The following ZW10 variants were observed in gnomAD, a reference collection of about 807,000 sequenced individuals.
The protein encoded by ZW10 is centromere/kinetochore protein zw10 homolog.
A neutral mutation model predicts 87.8 loss-of-function variants in ZW10; 53 were observed. That is an observed-to-expected ratio of 0.60 (90% CI 0.48 to 0.76). ZW10 has a LOEUF of 0.76. Ranked by LOEUF, ZW10 falls within the 30% of genes least tolerant of loss-of-function variation. The pLI is 0.00. For synonymous variants in ZW10, 312 were observed against 329.2 expected (o/e 0.95, Z 0.57); for missense variants, 837 against 923.0 (o/e 0.91, Z 1.21).
chr11:113,733,763 T>C lies in ZW10; in HGVS notation c.2271A>G (p.Val757=). 2 of 1,614,072 alleles carry C rather than the reference T, an allele frequency of 1.2e-6. No individual in the cohort carries two copies. Among genetic ancestry groups the C allele is most frequent in the Non-Finnish European group, 1.7e-6 (2 of 1,179,966 alleles). Residue 757 remains valine, a synonymous_variant, in exon 16 of 16, where the codon GTA becomes GTG. Coordinates refer to ENST00000200135, the MANE Select transcript of ZW10 (RefSeq NM_004724.4). ...PLAAAFSSSE[V]KALIRALFQN... Reference sequence around the variant, plus strand: ...GAAACAAGGCACGAATTAAAGCTTTTACTTCACTGGAAGAGAACGCAGCTG... The same window carrying C: ...GAAACAAGGCACGAATTAAAGCTTTCACTTCACTGGAAGAGAACGCAGCTG...
chr11:113,747,667 C>T lies in ZW10; in HGVS notation c.1136G>A (p.Arg379Lys). 3 of 1,612,786 alleles carry T rather than the reference C, an allele frequency of 1.9e-6. No homozygotes were observed. The highest frequency in any genetic ancestry group is 2.5e-6 in the Non-Finnish European group (3 of 1,179,244). Residue 379 changes from arginine to lysine, a missense_variant, in exon 9 of 16, where the codon AGA becomes AAA. By Grantham distance (26) the Arg-to-Lys change is conservative. Transcript: ENST00000200135. ...EEFENALKEM[R>K]FLKGDTTDLL... ...ATCTGTAGTATCTCCTTTTAAAAAT[C>T]TCATTTCCTTTAGGGCATTTTCAAA...
chr11:113,737,477 C>A, intron 14 of ZW10, 95 bp downstream of exon 14: 14 of 1,217,372 alleles, frequency 1.2e-5, no homozygotes, highest in South Asian at 7.0e-5. Flanking sequence ...AGACATGAAA[C>A]ATGAACAATT....
chr11:113,744,659 G>A (rs1953661714), intron 9 of ZW10, among the ~76,000 whole-genome samples: 1 of 151,928 alleles, frequency 6.6e-6, no homozygotes, highest in Non-Finnish European at 1.5e-5. Context: ...CACAATCATA[G>A]CTCACTGTAG....
chr11:113,762,674 T>C (rs992077453), intron 2 of ZW10, among the ~76,000 whole-genome samples: 2 of 151,972 alleles, frequency 1.3e-5, no homozygotes, highest in Non-Finnish European at 2.9e-5. Flanking sequence ...CCCACTACCA[T>C]GCCCAGCTAA....
chr11:113,757,033 A>G (rs1437455897), intron 7 of ZW10, among the ~76,000 whole-genome samples: 1 of 152,096 alleles, frequency 6.6e-6, no homozygotes, highest in Non-Finnish European at 1.5e-5. Context: ...TACTTTAGCC[A>G]CAGCAAGAAT....
chr11:113,742,996 T>A (rs1212934207), intron 10 of ZW10, among the ~76,000 whole-genome samples: 1 of 152,224 alleles, frequency 6.6e-6, no homozygotes, highest in Non-Finnish European at 1.5e-5. Flanking sequence ...TAAATGCAGA[T>A]TCAAACTAAA....
At position 113,773,678 on chromosome 11, in the gene ZW10, G is replaced by A; in HGVS notation, c.-12C>T. 6.2e-7 allele frequency: 1 copy of A among 1,611,810 alleles called. No individual in the cohort carries two copies. The highest frequency in any genetic ancestry group is 1.1e-5 in the South Asian group (1 of 90,956). On this transcript the variant is annotated 5_prime_UTR_variant, in exon 1 of 16. Coordinates refer to ENST00000200135, the MANE Select transcript of ZW10 (RefSeq NM_004724.4). ...ACGAACGAGGCCATGGCCAAGACGG[G>A]AACCAACGCTGACTGGGTCACTCTC...
chr11:113,743,689 A>G (rs1316404685), intron 10 of ZW10, 113 bp downstream of exon 10: 1 of 836,096 alleles, frequency 1.2e-6, no homozygotes, highest in African/African-American at 1.7e-5. Flanking sequence ...AAAAAGCATT[A>G]ACTTCTAGGA....
intron 9 of ZW10, among the ~76,000 whole-genome samples, chr11:113,746,495 C>CAAAAAAA (rs566009326): frequency 3.3e-4 from 35 of 105,240 alleles, no homozygotes; most frequent in South Asian, 6.3e-4. Context: ...ACAAAACAGT[C>CAAAAAAA]AAAAAAAAAA....
In ZW10 at chr11:113,767,168, T is replaced by G. The variant is rs928415036; in HGVS notation, c.240+1665A>C. Among the ~76,000 whole-genome samples the G allele has an allele frequency of 2.9e-5, 4 of 137,898 alleles. No individual in the cohort carries two copies. The Admixed American group carries it at 3.0e-4, about 10-fold the overall frequency. 90.5% of individuals were successfully genotyped at this position (137,898 alleles called of 152,430 possible). A position where few individuals can be genotyped will look rare whatever the true frequency, so the allele number is the denominator to read the frequency against. ...TGTGGAATCAGCCTGCTTACCAAAC[T>G]ACGATGATTAAAAAAAAAAAAAAAA... On this transcript the variant is annotated intron_variant, in intron 2 of 15. Coordinates refer to ENST00000200135, the MANE Select transcript of ZW10 (RefSeq NM_004724.4).
intron 1 of ZW10, chr11:113,771,510 T>C (rs1211993320): frequency 6.6e-6 from 1 of 152,238 alleles, no homozygotes; most frequent in Non-Finnish European, 1.5e-5. Flanking sequence ...TCATTCCATA[T>C]CTTCAGTGAA....
chr11:113,749,005 G>C (rs1230933930), intron 7 of ZW10, among the ~76,000 whole-genome samples: 6 of 152,092 alleles, frequency 3.9e-5, no homozygotes, highest in Non-Finnish European at 8.8e-5. Flanking sequence ...ACTCATAAAA[G>C]AGACTAGCTG....
intron 7 of ZW10, among the ~76,000 whole-genome samples, chr11:113,756,833 T>C (rs1953792029): frequency 6.6e-6 from 1 of 152,178 alleles, no homozygotes; most frequent in Non-Finnish European, 1.5e-5. Context: ...TATTCCTCCC[T>C]AAGGGAAGGC....
chr11:113,734,285 T>C (rs894719469), intron 15 of ZW10, among the ~76,000 whole-genome samples: 1 of 152,088 alleles, frequency 6.6e-6, no homozygotes, highest in Non-Finnish European at 1.5e-5. Context: ...AGAAGAAACA[T>C]GAATGACCAA....
rs1565278522 is a variant in ZW10, at chr11:113,736,783, A to G, written c.2056T>C (p.Cys686Arg). The change falls in exon 15 of 16, where the codon TGC becomes CGC. Residue 686 changes from cysteine (C) to arginine (R), a missense_variant. Cys to Arg is a radical substitution (Grantham distance 180). Coordinates refer to ENST00000200135, the MANE Select transcript of ZW10 (RefSeq NM_004724.4). Reference protein sequence around the residue: ...TEDGDRLYSLCKTVMDEGPQV... With the variant: ...TEDGDRLYSLRKTVMDEGPQV... ...GGTCCTTCATCCATCACTGTTTTGCATAAGGAATATAACCTATCACCATCT... is the reference window on the plus strand; with the variant it reads ...GGTCCTTCATCCATCACTGTTTTGCGTAAGGAATATAACCTATCACCATCT... The G allele has an allele frequency of 1.2e-6, 2 of 1,614,064 alleles. No individual in the cohort carries two copies. The highest frequency in any genetic ancestry group is 1.7e-6 in the Non-Finnish European group (2 of 1,180,040).
chr11:113,734,616 C>A (rs891246790), intron 15 of ZW10, among the ~76,000 whole-genome samples: 3 of 152,008 alleles, frequency 2.0e-5, no homozygotes, highest in Non-Finnish European at 2.9e-5. Context: ...ACCAGCCTAG[C>A]CAACATGGCA....
chr11:113,762,067 G>A (rs560384309), intron 2 of ZW10, among the ~76,000 whole-genome samples: 4 of 152,260 alleles, frequency 2.6e-5, no homozygotes, highest in East Asian at 1.9e-4. Flanking sequence ...CAATGGGGAC[G>A]CATTCTAAGA....
chr11:113,745,375 A>G (rs183291023), intron 9 of ZW10, among the ~76,000 whole-genome samples: 30 of 152,060 alleles, frequency 2.0e-4, no homozygotes, highest in Admixed American at 1.5e-3. Context: ...ACAACTTTGC[A>G]CATACTGGAC....
Position 113,768,849 on chromosome 11 carries a change from G to A in ZW10, c.224C>T (p.Ser75Phe). ...TATCCTTACCTCACTCTCTATCCTG[G>A]ATTTCAGCAGGTCAATGTCTTCAGA... is the stretch of plus-strand genomic sequence containing the variant. Reference protein sequence around the residue: ...KLSEDIDLLKSRIESEVRRDL... With the variant: ...KLSEDIDLLKFRIESEVRRDL... The change falls in exon 2 of 16, where the codon TCC becomes TTC. Residue 75 changes from serine to phenylalanine, a missense_variant. Transcript: ENST00000200135. 6.2e-7 allele frequency: 1 copy of A among 1,614,054 alleles called. No individual in the cohort carries two copies. Among genetic ancestry groups the A allele is most frequent in the Non-Finnish European group, 8.5e-7 (1 of 1,179,996 alleles).
Sources: gnomAD v4.1 joint callset for allele counts (sites outside exome capture counted in the v4.1 genomes callset) on GRCh38, gnomAD v4.1.1 for gene constraint, MANE v1.5 for transcripts, NCBI Gene and HGNC (gene_info 2026-07-23, HGNC 2026-07-21) for gene names.